The following RMDN2 variants were observed in gnomAD, a reference collection of about 807,000 sequenced individuals.
RMDN2 encodes regulator of microtubule dynamics 2.
RMDN2 carries 61 observed loss-of-function variants against 52.8 expected under a neutral mutation model. The ratio of observed to expected loss-of-function variants is 1.16; its 90% CI spans 0.94 to 1.43. RMDN2 has a LOEUF of 1.43. Ranked by LOEUF, RMDN2 falls within the 40% of genes most tolerant of loss-of-function variation. The pLI is 0.00. For synonymous variants in RMDN2, 180 were observed against 153.1 expected (o/e 1.18, Z -1.30); for missense variants, 592 against 475.3 (o/e 1.25, Z -2.28).
Position 37,970,318 on chromosome 2 carries a change from G to C in RMDN2, c.453-3722G>C, listed in dbSNP as rs556582778. ...TTTTTGGTAATGACTGAATTGATCAGATAGGTCTCATCTGTTGCGCCAGAG... is the reference window on the plus strand; with the variant it reads ...TTTTTGGTAATGACTGAATTGATCACATAGGTCTCATCTGTTGCGCCAGAG... On this transcript the variant is annotated intron_variant, in intron 2 of 10. Transcript: ENST00000354545. Among the ~76,000 whole-genome samples the C allele has an allele frequency of 5.9e-5, 9 of 152,274 alleles. No individual in the cohort carries two copies. The South Asian group carries it at 1.5e-3, about 25-fold the overall frequency.
intron 10 of RMDN2, among the ~76,000 whole-genome samples, chr2:38,050,228 T>G (rs576867366): frequency 3.1e-4 from 47 of 152,122 alleles, no homozygotes; most frequent in African/African-American, 1.1e-3. Context: ...TCCACTCCTC[T>G]CATGCCTCCT....
intron 10 of RMDN2, among the ~76,000 whole-genome samples, chr2:38,005,530 C>T (rs1318597884): frequency 3.9e-5 from 6 of 152,046 alleles, no homozygotes; most frequent in East Asian, 1.9e-4. Context: ...ATATCCTGTG[C>T]CCACTTTTTG....
chr2:38,058,810 C>T (rs1016145929), intron 10 of RMDN2, among the ~76,000 whole-genome samples: 3 of 152,100 alleles, frequency 2.0e-5, no homozygotes, highest in African/African-American at 7.2e-5. Flanking sequence ...GCTCCTCTGC[C>T]TATGGGAAAA....
At chr2:37,934,509 G>C (rs184851553) in intron 2 of RMDN2, among the ~76,000 whole-genome samples, 97 of 151,794 alleles carry the variant, frequency 6.4e-4, no homozygotes, top group African/African-American at 2.2e-3. Flanking sequence ...TTTGCTTCTT[G>C]GTAATCACAT....
chr2:38,007,439 TGTAA>T (rs1677270419), intron 10 of RMDN2, among the ~76,000 whole-genome samples: 1 of 152,182 alleles, frequency 6.6e-6, no homozygotes, highest in Non-Finnish European at 1.5e-5. Context: ...CTTGGGAGGG[TGTAA>T]GTGTCGAGGA....
At chr2:37,973,764 C>T (rs1041398155) in intron 2 of RMDN2, among the ~76,000 whole-genome samples, 2 of 151,892 alleles carry the variant, frequency 1.3e-5, no homozygotes, top group South Asian at 2.1e-4. Flanking sequence ...GAGGTAGGCA[C>T]GTGATTAGAA....
At chr2:38,002,318 A>C (rs1255824192) in intron 8 of RMDN2, among the ~76,000 whole-genome samples, 1 of 152,194 alleles carries the variant, frequency 6.6e-6, no homozygotes, top group Non-Finnish European at 1.5e-5. Context: ...AAGTATGTTA[A>C]TTGGTTATTA....
intron 6 of RMDN2, among the ~76,000 whole-genome samples, chr2:37,990,565 A>G (rs1674651575): frequency 6.7e-6 from 1 of 149,974 alleles, no homozygotes; most frequent in Non-Finnish European, 1.5e-5. Context: ...CATAAGCTCA[A>G]TAACATCTTA....
At chr2:38,040,956 G>A (rs886727422) in intron 10 of RMDN2, among the ~76,000 whole-genome samples, 1 of 152,022 alleles carries the variant, frequency 6.6e-6, no homozygotes, top group African/African-American at 2.4e-5. Flanking sequence ...TTTTACCTAG[G>A]TATTTCATTT....
chr2:38,037,962 T>A (rs1052917167), intron 10 of RMDN2, among the ~76,000 whole-genome samples: 1 of 152,182 alleles, frequency 6.6e-6, no homozygotes, highest in African/African-American at 2.4e-5. Context: ...TGTGATTCTC[T>A]CGAAACTCGG....
At chr2:37,927,427 G>A (rs1300365921) in intron 1 of RMDN2, among the ~76,000 whole-genome samples, 1 of 152,210 alleles carries the variant, frequency 6.6e-6, no homozygotes, top group Non-Finnish European at 1.5e-5. Flanking sequence ...AATTGGTGCA[G>A]TTCCTAAAGA....
chr2:37,931,973 C>G (rs771965265), intron 2 of RMDN2, among the ~76,000 whole-genome samples: 1 of 152,028 alleles, frequency 6.6e-6, no homozygotes, highest in Admixed American at 6.6e-5. Context: ...CTGTTTAGCT[C>G]TCCTTTAGAA....
intron 10 of RMDN2, among the ~76,000 whole-genome samples, chr2:38,062,055 G>A (rs929181448): frequency 2.0e-5 from 3 of 152,166 alleles, no homozygotes; most frequent in Admixed American, 6.5e-5. Flanking sequence ...GCCAATGTCA[G>A]TTCAGCTTCA....
chr2:37,981,133 A>G (rs1055478388), intron 4 of RMDN2, 150 bp from the exon 5 acceptor site: 11 of 640,982 alleles, frequency 1.7e-5, no homozygotes, highest in African/African-American at 1.5e-4. Flanking sequence ...TAGATCTCCA[A>G]TGTGGCTGAA....
chr2:37,989,539 A>G lies in RMDN2; in HGVS notation c.792-2A>G, dbSNP rs748974221. The stretch of plus-strand genomic sequence containing the variant: ...GTTTTTGTCTGTTTTTGTCCTTTTC[A>G]GGTATGCAGTTTTGTGTGGCTATGT... On this transcript the variant is annotated splice_acceptor_variant, in intron 5 of 10. Transcript: ENST00000354545. LOFTEE classifies it high-confidence loss of function. 2.7e-5 allele frequency: 44 copies of G among 1,606,932 alleles called. No individual in the cohort carries two copies. The highest frequency in any genetic ancestry group is 2.9e-5 in the Non-Finnish European group (34 of 1,176,460).
At chr2:38,054,219 A>G (rs1214568020) in intron 10 of RMDN2, among the ~76,000 whole-genome samples, 3 of 152,248 alleles carry the variant, frequency 2.0e-5, no homozygotes, top group Admixed American at 1.3e-4. Flanking sequence ...TACATAATTT[A>G]ATTTATTAAA....
At chr2:38,007,755 A>C (rs1231424131) in intron 10 of RMDN2, among the ~76,000 whole-genome samples, 2 of 151,666 alleles carry the variant, frequency 1.3e-5, no homozygotes, top group African/African-American at 4.8e-5. Flanking sequence ...TAGCTTTTGA[A>C]TGTGTTTACT....
chr2:38,030,257 A>G (rs1020305633), intron 10 of RMDN2: 1 of 152,128 alleles, frequency 6.6e-6, no homozygotes, highest in Non-Finnish European at 1.5e-5. Flanking sequence ...TTACTGTTAC[A>G]CCCTTCATTG....
chr2:37,975,019 A>G (rs1672280644), intron 3 of RMDN2, 193 bp from the exon 4 acceptor site: 1 of 574,246 alleles, frequency 1.7e-6, no homozygotes, highest in African/African-American at 1.9e-5. Flanking sequence ...GTAACACTAC[A>G]TTAGGTCATA....
Sources: allele counts gnomAD v4.1 joint callset (sites outside exome capture counted in the v4.1 genomes callset), GRCh38; gene constraint gnomAD v4.1.1; transcripts MANE v1.5; gene names NCBI Gene and HGNC (gene_info 2026-07-23, HGNC 2026-07-21).